Variants in TULP3 observed in about 807,000 individuals in gnomAD.
TULP3 encodes the protein TUB like protein 3.
In TULP3, 38 loss-of-function variants were observed where a neutral mutation model predicts 50.7. The observed-to-expected ratio is 0.75, with a 90% CI of 0.58 to 0.98. The LOEUF (loss-of-function observed/expected upper bound fraction) is 0.98. TULP3 is among the 50% of genes least tolerant of loss of function. The pLI, the probability that TULP3 is intolerant of heterozygous loss-of-function variation, is 0.00. For synonymous variants in TULP3, 183 were observed against 196.6 expected (o/e 0.93, Z 0.58); for missense variants, 550 against 568.0 (o/e 0.97, Z 0.32).
In TULP3 at chr12:2,940,391, G is replaced by T; in HGVS notation, c.*947G>T. 1 of 1,456,912 alleles carries T rather than the reference G, an allele frequency of 6.9e-7. No individual in the cohort carries two copies. Among genetic ancestry groups the T allele is most frequent in the Non-Finnish European group, 9.0e-7 (1 of 1,109,542 alleles). The allele number at this position is 1,456,912 out of a possible 1,614,324, so 90.2% of individuals were successfully genotyped here. ...CAGCCAGCAGACATGAGCACTGCTGGCCCGTGTGGCAGAGCTGTGGACTTT... is the reference window on the plus strand; with the variant it reads ...CAGCCAGCAGACATGAGCACTGCTGTCCCGTGTGGCAGAGCTGTGGACTTT... On this transcript the variant is annotated 3_prime_UTR_variant, in exon 11 of 11. Coordinates refer to ENST00000448120, the MANE Select transcript of TULP3 (RefSeq NM_003324.5).
chr12:2,936,445 C>T (rs1351788375), intron 8 of TULP3, among the ~76,000 whole-genome samples: 3 of 151,554 alleles, frequency 2.0e-5, no homozygotes, highest in Non-Finnish European at 4.4e-5. Context: ...TATCTCAAAT[C>T]ACATTTAAGA....
chr12:2,927,476 C>G (rs753543038), intron 4 of TULP3, among the ~76,000 whole-genome samples: 1 of 148,120 alleles, frequency 6.8e-6, no homozygotes, highest in African/African-American at 2.5e-5. Flanking sequence ...AAGGGATTCT[C>G]TTGCCTCAGC....
intron 8 of TULP3, 83 bp from the exon 9 acceptor site, chr12:2,937,548 C>T: frequency 3.0e-6 from 3 of 987,606 alleles, no homozygotes; most frequent in Non-Finnish European, 4.7e-6. Flanking sequence ...TCTTACATTC[C>T]CAAGAAAGTC....
chr12:2,910,279 GA>G (rs59797009), intron 2 of TULP3, among the ~76,000 whole-genome samples: 72,117 of 149,526 alleles, frequency 0.48, 17,625 homozygotes, highest in African/African-American at 0.6. Flanking sequence ...CCGTCTCAAA[GA>G]AAAAAAAAAA....
At chr12:2,938,063 C>G in intron 9 of TULP3, 51 bp from the exon 10 acceptor site, 1 of 1,589,830 alleles carries the variant, frequency 6.3e-7, no homozygotes, top group African/African-American at 1.3e-5. Flanking sequence ...TACCTTCTAC[C>G]TCGTAGAGTT....
intron 2 of TULP3, among the ~76,000 whole-genome samples, chr12:2,914,128 T>TTTA (rs1198333071): frequency 1.3e-5 from 2 of 149,816 alleles, no homozygotes; most frequent in Non-Finnish European, 3.0e-5. Context: ...AATAATTCTT[T>TTTA]TTTTTTTTTT....
chr12:2,925,894 G>C (rs375928120), intron 4 of TULP3, among the ~76,000 whole-genome samples: 1 of 152,146 alleles, frequency 6.6e-6, no homozygotes, highest in South Asian at 2.1e-4. Context: ...ATGGCTGTTC[G>C]TTTTCAGAAT....
chr12:2,936,576 G>C (rs535834514), intron 8 of TULP3, among the ~76,000 whole-genome samples: 6 of 138,440 alleles, frequency 4.3e-5, no homozygotes, highest in East Asian at 2.1e-4. Context: ...ACCCCGTCTC[G>C]ACTAAAAAAA....
At chr12:2,917,587 A>C (rs2098189328) in intron 2 of TULP3, among the ~76,000 whole-genome samples, 1 of 151,848 alleles carries the variant, frequency 6.6e-6, no homozygotes, top group Non-Finnish European at 1.5e-5. Flanking sequence ...TATAGAAAAT[A>C]TTTTCCTTGG....
rs755192000 is a variant in TULP3, at chr12:2,890,947, C to T, written c.-1C>T. 3.3e-5 allele frequency: 52 copies of T among 1,596,866 alleles called. No homozygotes were observed. Among genetic ancestry groups the T allele is most frequent in the Non-Finnish European group, 4.1e-5 (48 of 1,171,938 alleles). The stretch of plus-strand genomic sequence containing the variant: ...TGGTGGGGGCTTCCTCGGTGGCGGG[C>T]ATGGAGGCTTCGCGCTGCCGGCTCA... On this transcript the variant is annotated 5_prime_UTR_variant, in exon 1 of 11. Transcript: ENST00000448120.
intron 9 of TULP3, 29 bp from the exon 10 acceptor site, chr12:2,938,085 T>A: frequency 6.2e-7 from 1 of 1,613,688 alleles, no homozygotes; most frequent in Non-Finnish European, 8.5e-7. Context: ...GAGTTCTCAG[T>A]ACAAAGTAAT....
intron 1 of TULP3, among the ~76,000 whole-genome samples, chr12:2,895,547 C>T (rs919503854): frequency 6.6e-6 from 1 of 152,092 alleles, no homozygotes; most frequent in Non-Finnish European, 1.5e-5. Context: ...ACATGGCCTT[C>T]GAATATTGAC....
chr12:2,929,189 C>T (rs946675239), intron 4 of TULP3, among the ~76,000 whole-genome samples: 13 of 152,026 alleles, frequency 8.6e-5, no homozygotes, highest in South Asian at 2.1e-4. Flanking sequence ...TGGTGGCGCG[C>T]GCCTGTAGTC....
chr12:2,901,643 G>A (rs139304060), intron 1 of TULP3, among the ~76,000 whole-genome samples: 2,063 of 151,692 alleles, frequency 0.014, 52 homozygotes, highest in African/African-American at 0.047. Flanking sequence ...TCAGCCTCCC[G>A]AAGTGCTGGG....
chr12:2,893,293 T>C (rs1245840359), intron 1 of TULP3, among the ~76,000 whole-genome samples: 1 of 152,014 alleles, frequency 6.6e-6, no homozygotes, highest in East Asian at 1.9e-4. Context: ...CTTGCTTTTT[T>C]CTCTTTTTGG....
In TULP3 at chr12:2,939,443, G is replaced by C. The variant is rs769668205; in HGVS notation, c.1328G>C (p.Ter443SerextTer33). 1.9e-6 allele frequency: 3 copies of C among 1,614,096 alleles called. No homozygotes were observed. The highest frequency in any genetic ancestry group is 2.5e-6 in the Non-Finnish European group (3 of 1,180,000). Reference sequence around the variant, plus strand: ...TTTGACAGTAAGCTGGCGTGTGAATGAGAGAACAGTCAGGCAGGGAGCCCT... The same window carrying C: ...TTTGACAGTAAGCTGGCGTGTGAATCAGAGAACAGTCAGGCAGGGAGCCCT... ...SSFDSKLACE[*>S] is the part of the protein sequence containing the mutation. Residue 443 changes from the stop codon to serine (S), a stop_lost, in exon 11 of 11, where the codon TGA becomes TCA. Coordinates refer to ENST00000448120, the MANE Select transcript of TULP3 (RefSeq NM_003324.5). This position sits in a 1 kb window ranked among gnomAD's most constrained non-coding sequence, Gnocchi z 4.0.
At chr12:2,897,912 C>G (rs2098176483) in intron 1 of TULP3, among the ~76,000 whole-genome samples, 2 of 151,636 alleles carry the variant, frequency 1.3e-5, no homozygotes, top group African/African-American at 4.8e-5. Context: ...AACCCTGTCT[C>G]TACTAAAAAT....
At chr12:2,911,664 C>CATTTT (rs2098185706) in intron 2 of TULP3, among the ~76,000 whole-genome samples, 1 of 38,130 alleles carries the variant, frequency 2.6e-5, no homozygotes, top group Admixed American at 4.1e-4. Flanking sequence ...TGCGCCCAGC[C>CATTTT]TTTTTTTTTT....
Position 2,939,855 on chromosome 12 carries a change from T to C in TULP3, c.*411T>C. 8.3e-7 allele frequency: 1 copy of C among 1,200,746 alleles called. No homozygotes were observed. Among genetic ancestry groups the C allele is most frequent in the Non-Finnish European group, 1.1e-6 (1 of 946,244 alleles). 74.4% of individuals were successfully genotyped at this position (1,200,746 alleles called of 1,614,324 possible). A position where few individuals can be genotyped will look rare whatever the true frequency, so the allele number is the denominator to read the frequency against. On this transcript the variant is annotated 3_prime_UTR_variant, in exon 11 of 11. Transcript: ENST00000448120. The surrounding 1 kb of genome is among the most constrained non-coding windows in gnomAD (Gnocchi z 4.0). ...ACTCCTTTTCCAGGTTTCATAGACT[T>C]GGTGAGGGATCACAGCTTAGCATGG...
Sources: gnomAD v4.1 joint callset for allele counts (sites outside exome capture counted in the v4.1 genomes callset) on GRCh38, gnomAD v4.1.1 for gene constraint, Gnocchi (gnomAD v3.1) non-coding constraint, MANE v1.5 for transcripts, NCBI Gene and HGNC (gene_info 2026-07-23, HGNC 2026-07-21) for gene names.